BNC2: variants seen among roughly 807,000 people sequenced by gnomAD.
The protein encoded by BNC2 is basonuclin zinc finger protein 2.
BNC2 carries 20 observed loss-of-function variants against 76.3 expected under a neutral mutation model. The observed-to-expected ratio is 0.26, with a 90% CI of 0.18 to 0.38. BNC2 has a LOEUF of 0.38. BNC2 is among the 10% of genes least tolerant of loss of function. The pLI is 1.00. For synonymous variants in BNC2, 582 were observed against 514.8 expected (o/e 1.13, Z -1.77); for missense variants, 1,382 against 1,399.8 (o/e 0.99, Z 0.20).
At chr9:16,741,585 C>CA (rs1433114720) in intron 1 of BNC2, among the ~76,000 whole-genome samples, 1 of 152,128 alleles carries the variant, frequency 6.6e-6, no homozygotes, top group East Asian at 1.9e-4. Flanking sequence ...AAGTATAGCT[C>CA]AGAGTTCCCA....
intron 1 of BNC2, among the ~76,000 whole-genome samples, chr9:16,765,375 T>A (rs559423055): frequency 6.6e-6 from 1 of 152,244 alleles, no homozygotes; most frequent in South Asian, 2.1e-4. Flanking sequence ...GAAGCAAAAA[T>A]CCACCCCTGA....
intron 5 of BNC2, among the ~76,000 whole-genome samples, chr9:16,530,516 G>C (rs934591296): frequency 6.6e-6 from 1 of 152,142 alleles, no homozygotes; most frequent in Non-Finnish European, 1.5e-5. Context: ...TAGGAGAGAG[G>C]GCGATGATCA....
chr9:16,783,148 G>A (rs1826199224), intron 1 of BNC2, among the ~76,000 whole-genome samples: 1 of 152,258 alleles, frequency 6.6e-6, no homozygotes, highest in South Asian at 2.1e-4. Context: ...CAAATAAACA[G>A]AAGTAAGTTG....
chr9:16,847,401 CGG>C (rs869051853), intron 1 of BNC2, among the ~76,000 whole-genome samples: 1 of 10,352 alleles, frequency 9.7e-5, no homozygotes, highest in African/African-American at 2.3e-4. Context: ...TTTCTCGGGG[CGG>C]GGGGGGGGGG....
intron 3 of BNC2, among the ~76,000 whole-genome samples, chr9:16,591,110 A>G (rs940317803): frequency 6.6e-5 from 10 of 152,192 alleles, no homozygotes; most frequent in Non-Finnish European, 1.5e-4. Flanking sequence ...ATCTCCCTGT[A>G]TAATTTTCAG....
chr9:16,470,943 G>A (rs1433469229), intron 5 of BNC2, among the ~76,000 whole-genome samples: 2 of 152,134 alleles, frequency 1.3e-5, no homozygotes, highest in South Asian at 2.1e-4. Context: ...CTTTAGACCC[G>A]AGAATGGTAA....
rs185160724 is a variant in BNC2, at chr9:16,840,533, T to A, written c.3+30113A>T. Among the ~76,000 whole-genome samples the A allele has an allele frequency of 2.9e-4, 44 of 152,332 alleles. No homozygotes were observed. In the East Asian group the frequency reaches 7.1e-3, roughly 25 times the overall value. ...AAGTGTTTTTCCTTTAATGTCATGA[T>A]GGCAAAAATACTGCAGTGGTTGTAT... On this transcript the variant is annotated intron_variant, in intron 1 of 6. Transcript: ENST00000380672.
rs1467065243 is a variant in BNC2, at chr9:16,765,945, C to G, written c.4-27460G>C. ...GGGACTACAGGCGCTCGCCACCACG[C>G]CTGGCTAATTTTTTTGTATTTTTAG... On this transcript the variant is annotated intron_variant, in intron 1 of 6. Coordinates refer to ENST00000380672, the MANE Select transcript of BNC2 (RefSeq NM_017637.6). Among the ~76,000 whole-genome samples, 4 of 152,160 alleles carry G rather than the reference C, an allele frequency of 2.6e-5. No individual in the cohort carries two copies. In the East Asian group the frequency reaches 7.8e-4, roughly 30 times the overall value.
chr9:16,467,687 T>C (rs1437525291), intron 5 of BNC2, among the ~76,000 whole-genome samples: 1 of 127,714 alleles, frequency 7.8e-6, no homozygotes, highest in African/African-American at 3.0e-5. Flanking sequence ...TGTGGTGGGG[T>C]CGTGGGAGGG....
chr9:16,586,080 T>C (rs747075187), intron 3 of BNC2, among the ~76,000 whole-genome samples: 13 of 152,096 alleles, frequency 8.5e-5, no homozygotes, highest in African/African-American at 3.1e-4. Flanking sequence ...ATTTCCATTA[T>C]TGGAAACTGT....
intron 3 of BNC2, among the ~76,000 whole-genome samples, chr9:16,700,803 T>C (rs1304602208): frequency 6.6e-6 from 1 of 151,840 alleles, no homozygotes; most frequent in Non-Finnish European, 1.5e-5. Context: ...CTGCTAAAAA[T>C]ACAAAAGAAA....
intron 4 of BNC2, among the ~76,000 whole-genome samples, chr9:16,565,530 G>T (rs919660872): frequency 6.6e-5 from 10 of 152,158 alleles, no homozygotes; most frequent in Non-Finnish European, 1.5e-4. Flanking sequence ...AAATTACACT[G>T]CAGGGCACAG....
chr9:16,530,431 TA>T (rs765503339), intron 5 of BNC2, among the ~76,000 whole-genome samples: 10 of 152,168 alleles, frequency 6.6e-5, no homozygotes, highest in Non-Finnish European at 1.2e-4. Context: ...TGAGAATTGC[TA>T]AGCACTATGA....
chr9:16,435,335 G>A lies in BNC2; in HGVS notation c.2639+220C>T, dbSNP rs1050368859. Among the ~76,000 whole-genome samples the A allele has an allele frequency of 3.3e-5, 5 of 152,060 alleles. No individual in the cohort carries two copies. The South Asian group carries it at 8.3e-4, about 25-fold the overall frequency. On this transcript the variant is annotated intron_variant, in intron 6 of 6. Transcript: ENST00000380672. ...CACAGAGAAAAATGGCGTGCATTAC[G>A]GGTAAGATGGCACATGATTCTGCAT...
At chr9:16,505,705 A>C (rs1166927358) in intron 5 of BNC2, among the ~76,000 whole-genome samples, 1 of 151,606 alleles carries the variant, frequency 6.6e-6, no homozygotes, top group East Asian at 1.9e-4. Flanking sequence ...AGTTAAAGAC[A>C]AAAAAAAATC....
At chr9:16,717,091 C>T (rs1403757184) in intron 3 of BNC2, among the ~76,000 whole-genome samples, 3 of 152,144 alleles carry the variant, frequency 2.0e-5, no homozygotes, top group Non-Finnish European at 2.9e-5. Flanking sequence ...AACATTTTTC[C>T]TTAATTTCCA....
intron 3 of BNC2, among the ~76,000 whole-genome samples, chr9:16,621,827 G>A (rs902817004): frequency 5.3e-5 from 8 of 151,994 alleles, no homozygotes; most frequent in Non-Finnish European, 1.2e-4. Context: ...AAAATGTCTC[G>A]ATAAACACTC....
At chr9:16,776,107 T>A (rs920871829) in intron 1 of BNC2, among the ~76,000 whole-genome samples, 12 of 152,194 alleles carry the variant, frequency 7.9e-5, no homozygotes, top group African/African-American at 2.9e-4. Flanking sequence ...CTCAAGTTTA[T>A]AACTATGGCT....
intron 3 of BNC2, among the ~76,000 whole-genome samples, chr9:16,684,479 G>A (rs777683737): frequency 5.9e-5 from 9 of 151,972 alleles, no homozygotes; most frequent in Middle Eastern, 3.4e-3. Flanking sequence ...CATACCCTTC[G>A]GTACCATAAA....
Sources: allele counts gnomAD v4.1 joint callset (sites outside exome capture counted in the v4.1 genomes callset), GRCh38; gene constraint gnomAD v4.1.1; transcripts MANE v1.5; gene names NCBI Gene and HGNC (gene_info 2026-07-23, HGNC 2026-07-21).